The following TANC1 variants were observed in gnomAD, a reference collection of about 807,000 sequenced individuals.
The protein encoded by TANC1 is protein TANC1.
TANC1 carries 77 observed loss-of-function variants against 149.7 expected under a neutral mutation model. The ratio of observed to expected loss-of-function variants is 0.51; its 90% CI spans 0.43 to 0.62. The LOEUF (loss-of-function observed/expected upper bound fraction) is 0.62. Ranked by LOEUF, TANC1 falls within the 20% of genes least tolerant of loss-of-function variation. The probability of loss-of-function intolerance (pLI) is 0.00; values close to 1 mark genes in which losing one functional copy is unlikely to be tolerated. For synonymous variants in TANC1, 854 were observed against 925.0 expected (o/e 0.92, Z 1.39); for missense variants, 1,985 against 2,321.8 (o/e 0.85, Z 2.98).
intron 2 of TANC1, among the ~76,000 whole-genome samples, chr2:159,049,679 G>A (rs985514251): frequency 2.6e-5 from 4 of 152,154 alleles, no homozygotes; most frequent in South Asian, 2.1e-4. Flanking sequence ...CTGGTGAGAC[G>A]GAGACCTGTT....
chr2:159,047,189 C>CT, intron 2 of TANC1, among the ~76,000 whole-genome samples: 1 of 77,672 alleles, frequency 1.3e-5, no homozygotes, highest in Non-Finnish European at 3.9e-5. Context: ...GAACTCATTT[C>CT]CCCCCCCCAG....
chr2:159,075,317 C>G (rs114013997), intron 3 of TANC1, among the ~76,000 whole-genome samples: 4,226 of 151,804 alleles, frequency 0.028, 107 homozygotes, highest in South Asian at 0.082. Flanking sequence ...CCTGTAATCC[C>G]AACACTTTGG....
At chr2:159,212,919 CAAAAAA>C (rs35369711) in intron 19 of TANC1, among the ~76,000 whole-genome samples, 1 of 114,998 alleles carries the variant, frequency 8.7e-6, no homozygotes, top group Non-Finnish European at 1.9e-5. Flanking sequence ...GACACCGTCT[CAAAAAA>C]AAAAAAAAAA....
At position 159,065,941 on chromosome 2, in the gene TANC1, G is replaced by GAGGGAGGAA; in HGVS notation, c.39_47dup (p.Gly15_Lys17dup). ...AAAGGCTGTGCTGAAGAAGAGCCGA[G>GAGGGAGGAA]AGGGAGGAAAGGGAGGCAAGAAGGA... On this transcript the variant is annotated inframe_insertion, in exon 3 of 27. Coordinates refer to ENST00000263635, the MANE Select transcript of TANC1 (RefSeq NM_033394.3). 6.2e-7 allele frequency: 1 copy of GAGGGAGGAA among 1,614,048 alleles called. No homozygotes were observed. Among genetic ancestry groups the GAGGGAGGAA allele is most frequent in the African/African-American group, 1.3e-5 (1 of 75,056 alleles).
intron 24 of TANC1, 122 bp from the exon 25 acceptor site, chr2:159,227,697 C>T (rs2060098379): frequency 9.2e-7 from 1 of 1,085,114 alleles, no homozygotes; most frequent in African/African-American, 1.6e-5. Flanking sequence ...TGTTTGGATG[C>T]TTTCAATGTT....
At chr2:159,061,407 A>G (rs1369915674) in intron 2 of TANC1, among the ~76,000 whole-genome samples, 1 of 152,172 alleles carries the variant, frequency 6.6e-6, no homozygotes, top group Non-Finnish European at 1.5e-5. Flanking sequence ...CTCACCTGAC[A>G]GTGAGTTATA....
In TANC1 at chr2:159,032,584, C is replaced by A. The variant is rs140941953; in HGVS notation, c.-16+31395C>A. On this transcript the variant is annotated intron_variant, in intron 2 of 26. Transcript: ENST00000263635. ...TATAACAGCCTGTAATCTACTGTTT[C>A]GAATTTTACAGATTCTCTCCTGTCA... 2.8e-4 allele frequency among the ~76,000 whole-genome samples: 42 copies of A among 152,212 alleles called. No homozygotes were observed. The East Asian group carries it at 7.9e-3, about 29-fold the overall frequency.
Position 159,228,797 on chromosome 2 carries a change from A to C in TANC1, c.4052A>C (p.Asp1351Ala). 6.2e-7 allele frequency: 1 copy of C among 1,613,222 alleles called. No individual in the cohort carries two copies. Among genetic ancestry groups the C allele is most frequent in the Admixed American group, 1.7e-5 (1 of 60,024 alleles). Residue 1351 changes from aspartate to alanine, a missense_variant and splice_region_variant, in exon 26 of 27, where the codon GAC becomes GCC. Physicochemically the swap from Asp to Ala is moderately radical, Grantham distance 126 (BLOSUM62 -2). This residue lies in a region of TANC1 where 920 missense variants were observed against 994.7 expected (regional missense o/e 0.92). Transcript: ENST00000263635. ...NLSRCRRKTN[D>A]FGMAEEFASK... ...TCCTGTATTTCTTGTCGACACCAGG[A>C]CTTTGGCATGGCAGAGGAATTTGCT...
intron 6 of TANC1, 105 bp from the exon 7 acceptor site, chr2:159,150,265 T>TC: frequency 2.2e-6 from 2 of 889,824 alleles, no homozygotes; most frequent in Non-Finnish European, 3.4e-6. Flanking sequence ...TTTTAAAACT[T>TC]CCGTTTTCCT....
intron 16 of TANC1, among the ~76,000 whole-genome samples, chr2:159,191,963 C>T (rs2057477043): frequency 6.6e-6 from 1 of 152,010 alleles, no homozygotes. Context: ...GAAAGAAACA[C>T]ACTGGGCATC....
At chr2:159,213,989 G>C (rs966718904) in intron 19 of TANC1, among the ~76,000 whole-genome samples, 3 of 151,936 alleles carry the variant, frequency 2.0e-5, no homozygotes, top group African/African-American at 7.3e-5. Flanking sequence ...AGCCGGGCTT[G>C]GGGGCTCGTG....
chr2:159,071,089 C>T (rs776897793), intron 3 of TANC1, among the ~76,000 whole-genome samples: 2 of 152,184 alleles, frequency 1.3e-5, no homozygotes, highest in Admixed American at 1.3e-4. Flanking sequence ...TGGTCCCTGT[C>T]TACTTCTGTC....
At chr2:159,120,510 A>G (rs528575841) in intron 4 of TANC1, among the ~76,000 whole-genome samples, 6 of 152,210 alleles carry the variant, frequency 3.9e-5, no homozygotes, top group Non-Finnish European at 7.3e-5. Context: ...TTGCATTGCT[A>G]TTCAGTGCAT....
chr2:159,003,889 A>G (rs2149339000), intron 2 of TANC1: 1 of 1,612,850 alleles, frequency 6.2e-7, no homozygotes, highest in South Asian at 1.1e-5. Context: ...AGGTCCAGAT[A>G]GGGGGCAAGG....
At chr2:158,991,964 AAATT>A (rs1486901349) in intron 1 of TANC1, among the ~76,000 whole-genome samples, 2 of 152,194 alleles carry the variant, frequency 1.3e-5, no homozygotes, top group Non-Finnish European at 2.9e-5. Context: ...ATTTCAGTCA[AAATT>A]AATCACTCTT....
chr2:159,161,957 T>C (rs974407508), intron 7 of TANC1, among the ~76,000 whole-genome samples: 16 of 152,226 alleles, frequency 1.1e-4, no homozygotes, highest in Non-Finnish European at 1.5e-5. Context: ...AAGGAAAAGA[T>C]AGCCATGGAT....
rs2055687582 is a variant in TANC1 at position 159,174,982 on chromosome 2, C to T, written c.1533C>T (p.Asp511=). The part of the protein sequence containing the change: ...KVVAYHYCQA[D]NTYTCLVPEF... ...TGGCCTACCACTACTGCCAGGCTGA[C>T]AACACGTACACTTGCCTGGTGCCCG... Residue 511 remains aspartate, a synonymous_variant, in exon 12 of 27, where the codon GAC becomes GAT. Transcript: ENST00000263635. 1 of 1,614,060 alleles carries T rather than the reference C, an allele frequency of 6.2e-7. No individual in the cohort carries two copies. The highest frequency in any genetic ancestry group is 1.3e-5 in the African/African-American group (1 of 74,944).
rs747337166 is a variant in TANC1, at chr2:159,196,708, C to T, written c.3080C>T (p.Pro1027Leu). 2.9e-5 allele frequency: 46 copies of T among 1,613,984 alleles called. No individual in the cohort carries two copies. Among genetic ancestry groups the T allele is most frequent in the Non-Finnish European group, 3.6e-5 (42 of 1,180,002 alleles). The change falls in exon 18 of 27, where the codon CCG (proline) becomes CTG (leucine). Residue 1027 changes from proline to leucine, a missense_variant. Coordinates refer to ENST00000263635, the MANE Select transcript of TANC1 (RefSeq NM_033394.3). ...LQYLLTCEWS[P>L]GPPQPGTLRK... is the part of the protein sequence containing the mutation. The stretch of plus-strand genomic sequence containing the variant: ...TACCTGCTGACTTGTGAGTGGTCGC[C>T]GGGTCCTCCCCAGCCAGGCACCCTG...
At chr2:159,184,814 G>A (rs554845731) in intron 14 of TANC1, among the ~76,000 whole-genome samples, 23 of 152,322 alleles carry the variant, frequency 1.5e-4, no homozygotes, top group African/African-American at 5.3e-4. Context: ...ACGAGACTCA[G>A]TGGGCAGTGT....
Sources: gnomAD v4.1 joint callset for allele counts (sites outside exome capture counted in the v4.1 genomes callset) on GRCh38, gnomAD v4.1.1 for gene constraint, gnomAD v4.1.1 regional missense constraint, MANE v1.5 for transcripts, NCBI Gene and HGNC (gene_info 2026-07-23, HGNC 2026-07-21) for gene names.